The following CACNG2 variants were observed in gnomAD, a reference collection of about 807,000 sequenced individuals.
The protein encoded by CACNG2 is voltage-dependent calcium channel gamma-2 subunit.
Under a neutral mutation model 25.9 loss-of-function variants are expected in CACNG2, and 3 were observed. That is an observed-to-expected ratio of 0.12 (90% confidence interval 0.05 to 0.30). The LOEUF (loss-of-function observed/expected upper bound fraction) is 0.30. CACNG2 is among the 10% of genes least tolerant of loss of function. The probability of loss-of-function intolerance (pLI) is 1.00; values close to 1 mark genes in which losing one functional copy is unlikely to be tolerated. For missense variants in CACNG2, 341 were observed against 432.5 expected, an observed-to-expected ratio of 0.79 and a Z score of 1.88; for synonymous variants, 167 against 173.3, an observed-to-expected ratio of 0.96 and a Z score of 0.29.
chr22:36,583,484 T>C (rs958561185), intron 2 of CACNG2, among the ~76,000 whole-genome samples: 2 of 151,668 alleles, frequency 1.3e-5, no homozygotes, highest in Non-Finnish European at 2.9e-5. Context: ...TTTGGGAACC[T>C]GGAAAACAAG....
chr22:36,652,118 G>A (rs969615310), intron 1 of CACNG2, among the ~76,000 whole-genome samples: 8 of 152,022 alleles, frequency 5.3e-5, no homozygotes, highest in East Asian at 1.9e-4. Context: ...TGCCTGCCTC[G>A]GCCTCCTAAA....
chr22:36,663,376 A>G (rs1936828014), intron 1 of CACNG2, among the ~76,000 whole-genome samples: 1 of 152,116 alleles, frequency 6.6e-6, no homozygotes, highest in South Asian at 2.1e-4. Context: ...TACCCTCTAT[A>G]CTCAGGGAAA....
intron 1 of CACNG2, among the ~76,000 whole-genome samples, chr22:36,613,936 A>G (rs1269017515): frequency 6.6e-6 from 1 of 152,028 alleles, no homozygotes; most frequent in East Asian, 1.9e-4. Flanking sequence ...ATTCTTTAAC[A>G]TGTCTTGAAT....
chr22:36,572,078 A>G (rs754119311), intron 2 of CACNG2, among the ~76,000 whole-genome samples: 13 of 152,270 alleles, frequency 8.5e-5, no homozygotes, highest in Admixed American at 2.0e-4. Context: ...ATCTATCACA[A>G]GAGTCAGGAA....
chr22:36,568,297 T>A lies in CACNG2; in HGVS notation c.296-1804A>T, dbSNP rs369661453. 1.1e-3 allele frequency among the ~76,000 whole-genome samples: 171 copies of A among 152,202 alleles called. 1 individual carries two copies. Among genetic ancestry groups the A allele is most frequent in the African/African-American group, 3.7e-3 (155 of 41,492 alleles). On this transcript the variant is annotated intron_variant, in intron 2 of 3. Coordinates refer to ENST00000300105, the MANE Select transcript of CACNG2 (RefSeq NM_006078.5). ...GGAGCGGAGCTTCCTCTTATCCCCA[T>A]CCCCGTCCCCACCCTTTTGGGTGGG...
At chr22:36,697,505 G>C (rs1937355566) in intron 1 of CACNG2, among the ~76,000 whole-genome samples, 1 of 152,212 alleles carries the variant, frequency 6.6e-6, no homozygotes, top group African/African-American at 2.4e-5. Context: ...TCAAGTTCTG[G>C]CTCTGCCACT....
chr22:36,586,259 G>A (rs550660848), intron 2 of CACNG2, among the ~76,000 whole-genome samples: 1 of 152,214 alleles, frequency 6.6e-6, no homozygotes, highest in Admixed American at 6.5e-5. Flanking sequence ...CACGTTTACC[G>A]CACAGCTGGG....
At chr22:36,597,211 G>A (rs62228772) in intron 1 of CACNG2, among the ~76,000 whole-genome samples, 8 of 152,018 alleles carry the variant, frequency 5.3e-5, no homozygotes, top group Admixed American at 2.0e-4. Context: ...TTTAGTAGAG[G>A]TGGGGTTTCG....
intron 1 of CACNG2, among the ~76,000 whole-genome samples, chr22:36,624,568 T>C (rs1299738325): frequency 6.6e-6 from 1 of 152,136 alleles, no homozygotes; most frequent in Non-Finnish European, 1.5e-5. Context: ...ACTCCTTTCT[T>C]TCCTGTTTCT....
intron 2 of CACNG2, 34 bp downstream of exon 2, chr22:36,587,431 C>T (rs1255483289): frequency 1.1e-5 from 17 of 1,479,916 alleles, no homozygotes; most frequent in Non-Finnish European, 1.4e-5. Flanking sequence ...GGCCCACCAC[C>T]AGGAGGGAGA....
intron 1 of CACNG2, among the ~76,000 whole-genome samples, chr22:36,691,313 G>A (rs958730038): frequency 6.9e-6 from 1 of 144,492 alleles, no homozygotes; most frequent in Admixed American, 7.0e-5. Context: ...AAGGCAGGGG[G>A]AGAGGGAGTA....
chr22:36,700,646 A>G lies in CACNG2; in HGVS notation c.211+1720T>C, dbSNP rs1476796688. The stretch of plus-strand genomic sequence containing the variant: ...TGTTTAATTAAATGGAAGTCTTTCC[A>G]CTGTTAATGACTAGCTGTATGAAAG... On this transcript the variant is annotated intron_variant, in intron 1 of 3. Coordinates refer to ENST00000300105, the MANE Select transcript of CACNG2 (RefSeq NM_006078.5). 2.0e-5 allele frequency among the ~76,000 whole-genome samples: 3 copies of G among 152,216 alleles called. No homozygotes were observed. The East Asian group carries it at 5.8e-4, about 29-fold the overall frequency.
rs1310851915 is a variant in CACNG2, at chr22:36,564,316, C to T, written c.*35G>A. 3.1e-6 allele frequency: 5 copies of T among 1,587,952 alleles called. No homozygotes were observed. Among genetic ancestry groups the T allele is most frequent in the East Asian group, 2.3e-5 (1 of 43,916 alleles). On this transcript the variant is annotated 3_prime_UTR_variant, in exon 4 of 4. Coordinates refer to ENST00000300105, the MANE Select transcript of CACNG2 (RefSeq NM_006078.5). The surrounding 1 kb of genome is among the most constrained non-coding windows in gnomAD (Gnocchi z 6.7). ...CCGCCCCGCCCCCGGGGACCGCGCC[C>T]TCCTCCCGCGGTCTTCTGGCGAGGC...
chr22:36,684,296 G>A (rs938456402), intron 1 of CACNG2, among the ~76,000 whole-genome samples: 5 of 152,122 alleles, frequency 3.3e-5, no homozygotes, highest in Non-Finnish European at 5.9e-5. Flanking sequence ...GATGAGGCTC[G>A]ATTTAAACAG....
chr22:36,565,851 AAGTG>A (rs1427749668), intron 3 of CACNG2, among the ~76,000 whole-genome samples: 1 of 152,136 alleles, frequency 6.6e-6, no homozygotes, highest in Non-Finnish European at 1.5e-5. Flanking sequence ...CTGGCATCTG[AAGTG>A]AGTGTGACTC....
chr22:36,685,495 C>G (rs2146008223), intron 1 of CACNG2, among the ~76,000 whole-genome samples: 1 of 152,206 alleles, frequency 6.6e-6, no homozygotes, highest in South Asian at 2.1e-4. Flanking sequence ...GCTTCCTTTA[C>G]CCCCATCGCT....
chr22:36,647,772 A>G (rs907172827), intron 1 of CACNG2, among the ~76,000 whole-genome samples: 1 of 152,090 alleles, frequency 6.6e-6, no homozygotes, highest in Non-Finnish European at 1.5e-5. Flanking sequence ...TTACCAGGTC[A>G]TCCCTCTCTC....
In CACNG2 at chr22:36,679,231, C is replaced by CT. The variant is rs1569049917; in HGVS notation, c.211+23134dup. ...CTTTCTTTCTTTCTTTCTTTCTTTCCTTCTTTCTTTCTTTCTTTTCTTTAA... is the reference window on the plus strand; with the variant it reads ...CTTTCTTTCTTTCTTTCTTTCTTTCCTTTCTTTCTTTCTTTCTTTTCTTTAA... On this transcript the variant is annotated intron_variant, in intron 1 of 3. Coordinates refer to ENST00000300105, the MANE Select transcript of CACNG2 (RefSeq NM_006078.5). Among the ~76,000 whole-genome samples, 214 of 86,622 alleles carry CT rather than the reference C, an allele frequency of 2.5e-3. 4 individuals carry two copies. Among genetic ancestry groups the CT allele is most frequent in the African/African-American group, 6.5e-3 (113 of 17,330 alleles). The allele number at this position is 86,622 out of a possible 152,430, so 56.8% of individuals were successfully genotyped here.
At chr22:36,665,008 C>T (rs974463321) in intron 1 of CACNG2, among the ~76,000 whole-genome samples, 2 of 152,078 alleles carry the variant, frequency 1.3e-5, no homozygotes, top group Non-Finnish European at 2.9e-5. Context: ...AGTGGGAGGG[C>T]CTGCTAGAAG....
Sources: gnomAD v4.1 joint callset for allele counts (sites outside exome capture counted in the v4.1 genomes callset) on GRCh38, gnomAD v4.1.1 for gene constraint, Gnocchi (gnomAD v3.1) non-coding constraint, MANE v1.5 for transcripts, NCBI Gene and HGNC (gene_info 2026-07-23, HGNC 2026-07-21) for gene names.